The following EYA1 variants were observed in gnomAD, a reference collection of about 807,000 sequenced individuals.
EYA1 encodes EYA transcriptional coactivator and phosphatase 1.
In EYA1, 16 loss-of-function variants were observed where a neutral mutation model predicts 82.0. The ratio of observed to expected loss-of-function variants is 0.20; its 90% confidence interval spans 0.13 to 0.30. EYA1 has a LOEUF of 0.30. Ranked by LOEUF, EYA1 falls within the 10% of genes least tolerant of loss-of-function variation. EYA1 has a pLI of 1.00. For synonymous variants in EYA1, 261 were observed against 264.4 expected, an observed-to-expected ratio of 0.99 and a Z score of 0.12; for missense variants, 633 against 730.7, an observed-to-expected ratio of 0.87 and a Z score of 1.54.
At chr8:71,410,541 C>G (rs1407554729) in intron 2 of EYA1, among the ~76,000 whole-genome samples, 2 of 123,738 alleles carry the variant, frequency 1.6e-5, no homozygotes, top group Admixed American at 8.6e-5. Context: ...TCTCAGGATA[C>G]AAAATCAATG....
intron 2 of EYA1, among the ~76,000 whole-genome samples, chr8:71,488,513 C>G (rs1047112269): frequency 6.6e-6 from 1 of 152,156 alleles, no homozygotes; most frequent in Non-Finnish European, 1.5e-5. Context: ...TTTATATATG[C>G]ATCCCACTTA....
At chr8:71,383,174 C>G (rs977161996) in intron 2 of EYA1, among the ~76,000 whole-genome samples, 1 of 151,824 alleles carries the variant, frequency 6.6e-6, no homozygotes, top group African/African-American at 2.4e-5. Flanking sequence ...CATTTTATTC[C>G]CAGCTAAACC....
intron 9 of EYA1, among the ~76,000 whole-genome samples, chr8:71,286,797 GTTTTTTTTTT>G: frequency 8.9e-6 from 1 of 112,488 alleles, no homozygotes; most frequent in Admixed American, 8.9e-5. Context: ...CATATTGGTA[GTTTTTTTTTT>G]TTTTTTTTTT....
At chr8:71,310,982 G>T (rs1237120520) in intron 7 of EYA1, among the ~76,000 whole-genome samples, 1 of 152,108 alleles carries the variant, frequency 6.6e-6, no homozygotes, top group East Asian at 1.9e-4. Context: ...GGCTTAACCA[G>T]TTAAATAACA....
chr8:71,327,733 C>T (rs79424343), intron 4 of EYA1, among the ~76,000 whole-genome samples: 2,392 of 152,164 alleles, frequency 0.016, 71 homozygotes, highest in African/African-American at 0.054. Flanking sequence ...GGTGCTAGGG[C>T]TCCTTGAAAG....
At chr8:71,335,439 T>C (rs934060819) in intron 3 of EYA1, among the ~76,000 whole-genome samples, 10 of 152,152 alleles carry the variant, frequency 6.6e-5, no homozygotes, top group Middle Eastern at 3.2e-3. Context: ...AGTCACTTTT[T>C]AAAAAAATAA....
At chr8:71,332,389 CT>C (rs1378288044) in intron 4 of EYA1, among the ~76,000 whole-genome samples, 1 of 152,142 alleles carries the variant, frequency 6.6e-6, no homozygotes, top group East Asian at 1.9e-4. Flanking sequence ...TCCTGTCTTC[CT>C]TTGTCAACCG....
chr8:71,534,995 A>G (rs1814604736), intron 2 of EYA1, among the ~76,000 whole-genome samples: 1 of 152,272 alleles, frequency 6.6e-6, no homozygotes, highest in East Asian at 1.9e-4. Flanking sequence ...GGGGACTTAC[A>G]GTGTAAAGTC....
chr8:71,531,820 C>T (rs1030242362), intron 2 of EYA1, among the ~76,000 whole-genome samples: 6 of 152,162 alleles, frequency 3.9e-5, no homozygotes, highest in South Asian at 2.1e-4. Flanking sequence ...CAAACCTCCT[C>T]CTCTCCATGA....
intron 2 of EYA1, among the ~76,000 whole-genome samples, chr8:71,491,868 T>C (rs1261207818): frequency 6.6e-6 from 1 of 152,248 alleles, no homozygotes; most frequent in Non-Finnish European, 1.5e-5. Context: ...TTACTGAATA[T>C]AGCCAACACA....
At chr8:71,412,418 A>G in intron 2 of EYA1, among the ~76,000 whole-genome samples, 1 of 123,538 alleles carries the variant, frequency 8.1e-6, no homozygotes, top group Admixed American at 8.1e-5. Context: ...AAATAAAATA[A>G]AATAAAATAA....
chr8:71,392,513 T>C (rs2129112298), intron 2 of EYA1, among the ~76,000 whole-genome samples: 1 of 152,294 alleles, frequency 6.6e-6, no homozygotes, highest in South Asian at 2.1e-4. Flanking sequence ...AATGGCTGCT[T>C]TTTGTATTTT....
chr8:71,292,801 G>A (rs1008497483), intron 9 of EYA1, among the ~76,000 whole-genome samples: 7 of 151,842 alleles, frequency 4.6e-5, no homozygotes, highest in African/African-American at 1.5e-4. Context: ...CAAAAACAGC[G>A]CTCAGGAGAA....
At chr8:71,392,224 G>C (rs1046429479) in intron 2 of EYA1, among the ~76,000 whole-genome samples, 1 of 151,896 alleles carries the variant, frequency 6.6e-6, no homozygotes, top group East Asian at 1.9e-4. Context: ...AGGAAGGGAC[G>C]GAAAAAGAAA....
At chr8:71,237,870 T>C (rs1171966216) in intron 12 of EYA1, among the ~76,000 whole-genome samples, 1 of 152,164 alleles carries the variant, frequency 6.6e-6, no homozygotes, top group African/African-American at 2.4e-5. Flanking sequence ...GCTCAATGAA[T>C]TTCTATAAAC....
intron 2 of EYA1, among the ~76,000 whole-genome samples, chr8:71,476,423 A>T (rs1170004657): frequency 6.6e-6 from 1 of 152,166 alleles, no homozygotes; most frequent in Non-Finnish European, 1.5e-5. Flanking sequence ...CACTTAATGT[A>T]CTTTGTGCAT....
At chr8:71,468,696 A>G (rs1030942473) in intron 2 of EYA1, among the ~76,000 whole-genome samples, 3 of 152,100 alleles carry the variant, frequency 2.0e-5, no homozygotes, top group Non-Finnish European at 4.4e-5. Context: ...TTCTTCCCTC[A>G]AAGTGTGTAA....
At chr8:71,427,226 G>T (rs1805298232) in intron 2 of EYA1, among the ~76,000 whole-genome samples, 1 of 152,232 alleles carries the variant, frequency 6.6e-6, no homozygotes, top group Middle Eastern at 3.4e-3. Flanking sequence ...CCTTGCTGTT[G>T]CTTCGGATGG....
chr8:71,269,825 T>TAC lies in EYA1; in HGVS notation c.967-4_967-3dup. 6.2e-7 allele frequency: 1 copy of TAC among 1,612,118 alleles called. No individual in the cohort carries two copies. On this transcript the variant is annotated splice_region_variant and splice_polypyrimidine_tract_variant and intron_variant, in intron 10 of 17. Transcript: ENST00000340726. ...ATCCAAGTCCCAGATGAACACTCTC[T>TAC]ACAAAGGAAGAACCAAATCAATGTG...
Sources: allele counts gnomAD v4.1 joint callset (sites outside exome capture counted in the v4.1 genomes callset), GRCh38; gene constraint gnomAD v4.1.1; transcripts MANE v1.5; gene names NCBI Gene and HGNC (gene_info 2026-07-23, HGNC 2026-07-21).